The following BPNT2 variants were observed in gnomAD, a reference collection of about 807,000 sequenced individuals.
BPNT2 encodes Golgi-resident adenosine 3',5'-bisphosphate 3'-phosphatase.
In BPNT2, 11 loss-of-function variants were observed where a neutral mutation model predicts 29.3. That is an observed-to-expected ratio of 0.38 (90% CI 0.24 to 0.62). The LOEUF is 0.62. Ranked by LOEUF, BPNT2 falls within the 20% of genes least tolerant of loss-of-function variation. The pLI is 0.62. For synonymous variants in BPNT2, 195 were observed against 187.7 expected, an observed-to-expected ratio of 1.04 and a Z score of -0.32; for missense variants, 459 against 473.4, an observed-to-expected ratio of 0.97 and a Z score of 0.28.
intron 3 of BPNT2, among the ~76,000 whole-genome samples, chr8:56,974,174 G>A (rs980476356): frequency 6.6e-6 from 1 of 152,112 alleles, no homozygotes; most frequent in Non-Finnish European, 1.5e-5. Context: ...TGCAAAATAT[G>A]TGTTAATCAG....
intron 1 of BPNT2, among the ~76,000 whole-genome samples, chr8:56,985,109 C>T (rs1239571787): frequency 6.6e-6 from 1 of 151,910 alleles, no homozygotes; most frequent in Non-Finnish European, 1.5e-5. Flanking sequence ...CAGCATGACC[C>T]TATTTTTTCT....
rs1393066587 is a variant in BPNT2, at chr8:56,963,963, C to G, written c.910G>C (p.Gly304Arg). The change falls in exon 5 of 5, where the codon GGT becomes CGT. Residue 304 changes from glycine to arginine, a missense_variant. Gly to Arg is a moderately radical substitution (Grantham distance 125, BLOSUM62 -2). Coordinates refer to ENST00000262644, the MANE Select transcript of BPNT2 (RefSeq NM_017813.5). Reference protein sequence around the residue: ...TYIKKWDICAGNAILKALGGH... With the variant: ...TYIKKWDICARNAILKALGGH... ...CCTAGGGCTTTTAAGATGGCATTACCAGCACATATATCCCACTTTTTGATG... is the reference window on the plus strand; with the variant it reads ...CCTAGGGCTTTTAAGATGGCATTACGAGCACATATATCCCACTTTTTGATG... 1 of 1,613,840 alleles carries G rather than the reference C, an allele frequency of 6.2e-7. No individual in the cohort carries two copies. The highest frequency in any genetic ancestry group is 8.5e-7 in the Non-Finnish European group (1 of 1,179,896).
chr8:56,987,753 G>A (rs1806349516), intron 1 of BPNT2, among the ~76,000 whole-genome samples: 1 of 149,376 alleles, frequency 6.7e-6, no homozygotes, highest in Admixed American at 6.6e-5. Context: ...TTTTGAGATG[G>A]AGTCTTGCTC....
intron 4 of BPNT2, 100 bp from the exon 5 acceptor site, chr8:56,964,164 G>A: frequency 1.1e-5 from 9 of 824,770 alleles, no homozygotes; most frequent in Non-Finnish European, 1.7e-5. Context: ...AGGATGGAGT[G>A]TGCAGGAGCT....
intron 1 of BPNT2, among the ~76,000 whole-genome samples, chr8:56,982,626 GA>G (rs898580008): frequency 6.6e-6 from 1 of 150,980 alleles, no homozygotes; most frequent in Non-Finnish European, 1.5e-5. Context: ...CGAGACACAT[GA>G]AAAAACATGT....
At chr8:56,969,284 C>G (rs1460763124) in intron 3 of BPNT2, among the ~76,000 whole-genome samples, 1 of 152,140 alleles carries the variant, frequency 6.6e-6, no homozygotes, top group African/African-American at 2.4e-5. Context: ...TTTTAAGTAT[C>G]AAGACTATAG....
At chr8:56,989,391 A>C (rs1806375143) in intron 1 of BPNT2, among the ~76,000 whole-genome samples, 1 of 151,944 alleles carries the variant, frequency 6.6e-6, no homozygotes, top group Non-Finnish European at 1.5e-5. Flanking sequence ...AAAAAAAAAA[A>C]AATTCTAGCT....
At chr8:56,991,951 T>C (rs972249571) in intron 1 of BPNT2, among the ~76,000 whole-genome samples, 8 of 152,254 alleles carry the variant, frequency 5.3e-5, no homozygotes, top group Non-Finnish European at 1.2e-4. Context: ...ATTCTGTGTT[T>C]TAAGTAGAAA....
At chr8:56,971,068 G>C (rs936770578) in intron 3 of BPNT2, among the ~76,000 whole-genome samples, 14 of 151,964 alleles carry the variant, frequency 9.2e-5, no homozygotes, top group African/African-American at 3.1e-4. Context: ...TGTAAGAATT[G>C]CTGACTTAGT....
intron 3 of BPNT2, among the ~76,000 whole-genome samples, chr8:56,974,077 CA>C (rs1334953922): frequency 3.3e-5 from 5 of 152,136 alleles, no homozygotes; most frequent in Admixed American, 2.0e-4. Context: ...CCCTCTTATT[CA>C]ATCATATATT....
intron 1 of BPNT2, among the ~76,000 whole-genome samples, chr8:56,980,852 A>ACAC (rs1563409795): frequency 1.4e-5 from 2 of 140,638 alleles, no homozygotes; most frequent in East Asian, 4.1e-4. Context: ...ACACACACAC[A>ACAC]AACCCCCCTT....
At position 56,993,656 on chromosome 8, in the gene BPNT2, AGCCGC is replaced by A; in HGVS notation, c.-76_-72del. Reference sequence around the variant, plus strand: ...CAGCGCCCGCCGCCGCCGCCGCCGCAGCCGCCGCGCTCCGGGCCAGGCGCCGCGCG... The same window carrying A: ...CAGCGCCCGCCGCCGCCGCCGCCGCACGCGCTCCGGGCCAGGCGCCGCGCG... On this transcript the variant is annotated 5_prime_UTR_variant, in exon 1 of 5. Coordinates refer to ENST00000262644, the MANE Select transcript of BPNT2 (RefSeq NM_017813.5). 1 of 1,161,816 alleles carries A rather than the reference AGCCGC, an allele frequency of 8.6e-7. No homozygotes were observed. Among genetic ancestry groups the A allele is most frequent in the Non-Finnish European group, 1.1e-6 (1 of 942,134 alleles). The allele number at this position is 1,161,816 out of a possible 1,614,324, so 72.0% of individuals were successfully genotyped here. A position where few individuals can be genotyped will look rare whatever the true frequency, so the allele number is the denominator to read the frequency against.
At chr8:56,969,481 A>G (rs1031968110) in intron 3 of BPNT2, among the ~76,000 whole-genome samples, 5 of 152,210 alleles carry the variant, frequency 3.3e-5, no homozygotes, top group African/African-American at 1.2e-4. Flanking sequence ...GAATAAGGTA[A>G]AAGAATAAAG....
In BPNT2 at chr8:56,960,978, AG is replaced by A. The variant is rs1448959916; in HGVS notation, c.*2814del. On this transcript the variant is annotated 3_prime_UTR_variant, in exon 5 of 5. Coordinates refer to ENST00000262644, the MANE Select transcript of BPNT2 (RefSeq NM_017813.5). ...AAAGAATTTGGGAGTGAGAGTTGTG[AG>A]GGAAGTATCCTGGCTAAGAAAGAAA... 6.6e-6 allele frequency: 1 copy of A among 152,152 alleles called. No individual in the cohort carries two copies. Among genetic ancestry groups the A allele is most frequent in the African/African-American group, 2.4e-5 (1 of 41,422 alleles). 9.4% of individuals were successfully genotyped at this position (152,152 alleles called of 1,614,324 possible).
chr8:56,966,442 G>C, intron 3 of BPNT2, 90 bp from the exon 4 acceptor site: 3 of 1,071,636 alleles, frequency 2.8e-6, no homozygotes, highest in Non-Finnish European at 4.3e-6. Flanking sequence ...ATGTATGACT[G>C]ACAAAATAGC....
At chr8:56,967,647 CTTGGAGGAGAT>C (rs1186585357) in intron 3 of BPNT2, among the ~76,000 whole-genome samples, 8 of 152,122 alleles carry the variant, frequency 5.3e-5, no homozygotes, top group African/African-American at 1.9e-4. Context: ...CAAGCAGCAG[CTTGGAGGAGAT>C]ACGGGACCAG....
chr8:56,992,429 G>T (rs953749727), intron 1 of BPNT2, among the ~76,000 whole-genome samples: 1 of 152,096 alleles, frequency 6.6e-6, no homozygotes, highest in African/African-American at 2.4e-5. Flanking sequence ...GTGAAATGAT[G>T]AATTCAAAAA....
At chr8:56,974,616 C>T (rs1806098966) in intron 3 of BPNT2, among the ~76,000 whole-genome samples, 1 of 152,162 alleles carries the variant, frequency 6.6e-6, no homozygotes, top group Non-Finnish European at 1.5e-5. Flanking sequence ...GGAAGGTCAA[C>T]CCAACATAAT....
chr8:56,992,969 G>A (rs1251042248), intron 1 of BPNT2, among the ~76,000 whole-genome samples: 3 of 152,130 alleles, frequency 2.0e-5, no homozygotes, highest in Non-Finnish European at 4.4e-5. Flanking sequence ...GGTACACACG[G>A]CGCACACCCG....
Sources: allele counts gnomAD v4.1 joint callset (sites outside exome capture counted in the v4.1 genomes callset), GRCh38; gene constraint gnomAD v4.1.1; transcripts MANE v1.5; gene names NCBI Gene and HGNC (gene_info 2026-07-23, HGNC 2026-07-21).